Variants in PDE4B observed in about 807,000 individuals in gnomAD.
The protein encoded by PDE4B is 3',5'-cyclic-AMP phosphodiesterase 4B.
A neutral mutation model predicts 82.2 loss-of-function variants in PDE4B; 20 were observed. The observed-to-expected ratio is 0.24, with a 90% confidence interval of 0.17 to 0.35. The LOEUF (loss-of-function observed/expected upper bound fraction) is 0.35, where lower values mean the gene tolerates loss of function less well. PDE4B is among the 10% of genes least tolerant of loss of function. The pLI is 1.00. For synonymous variants in PDE4B, 320 were observed against 318.9 expected (o/e 1.00, Z -0.04); for missense variants, 655 against 907.2 (o/e 0.72, Z 3.57).
At chr1:66,200,815 T>A (rs1398284046) in intron 3 of PDE4B, among the ~76,000 whole-genome samples, 1 of 152,212 alleles carries the variant, frequency 6.6e-6, no homozygotes, top group Non-Finnish European at 1.5e-5. Flanking sequence ...ACTTCCTCTT[T>A]TCCTAACTAA....
intron 3 of PDE4B, among the ~76,000 whole-genome samples, chr1:65,948,686 A>G (rs1242296996): frequency 6.6e-6 from 1 of 151,956 alleles, no homozygotes; most frequent in Non-Finnish European, 1.5e-5. Flanking sequence ...ATCAAGTTGG[A>G]CTCAGTATTA....
intron 3 of PDE4B, among the ~76,000 whole-genome samples, chr1:66,075,043 T>C (rs1456843258): frequency 6.6e-6 from 1 of 152,040 alleles, no homozygotes; most frequent in African/African-American, 2.4e-5. Context: ...CAATTTTTAC[T>C]GAAGTGGCAG....
intron 6 of PDE4B, among the ~76,000 whole-genome samples, chr1:66,259,941 T>C (rs1654558346): frequency 1.3e-5 from 2 of 152,192 alleles, no homozygotes; most frequent in South Asian, 2.1e-4. Context: ...ACTCTCTCTA[T>C]ATCTCAGTTT....
At chr1:66,207,652 A>T (rs1030146205) in intron 3 of PDE4B, among the ~76,000 whole-genome samples, 4 of 152,184 alleles carry the variant, frequency 2.6e-5, no homozygotes, top group Admixed American at 2.6e-4. Flanking sequence ...ATGATACACA[A>T]AGGGGAAAAA....
At chr1:66,353,367 T>C (rs950641416) in intron 8 of PDE4B, among the ~76,000 whole-genome samples, 21 of 152,208 alleles carry the variant, frequency 1.4e-4, no homozygotes, top group East Asian at 1.9e-4. Context: ...CTGGCTTGCA[T>C]TGGCTTCACC....
At chr1:66,050,802 G>A (rs1045451229) in intron 3 of PDE4B, 2 of 152,104 alleles carry the variant, frequency 1.3e-5, no homozygotes, top group African/African-American at 4.8e-5. Flanking sequence ...CCGTGAAGGA[G>A]CATCATCGTT....
intron 15 of PDE4B, among the ~76,000 whole-genome samples, chr1:66,368,436 C>A (rs1220364020): frequency 6.6e-6 from 1 of 152,236 alleles, no homozygotes; most frequent in Non-Finnish European, 1.5e-5. Context: ...CCTCTTTCCA[C>A]AAGTGGAAAA....
intron 3 of PDE4B, among the ~76,000 whole-genome samples, chr1:66,128,080 ATG>A (rs1336814968): frequency 6.6e-6 from 1 of 152,182 alleles, no homozygotes; most frequent in Admixed American, 6.5e-5. Flanking sequence ...TAATAATACC[ATG>A]TGTTTGAAAA....
intron 1 of PDE4B, among the ~76,000 whole-genome samples, chr1:65,874,345 C>T (rs944721857): frequency 2.6e-5 from 4 of 152,138 alleles, no homozygotes; most frequent in African/African-American, 9.7e-5. Flanking sequence ...TCTAGATATA[C>T]AATCATGTCG....
chr1:65,913,094 A>C (rs906814127), intron 1 of PDE4B, among the ~76,000 whole-genome samples, 151 bp from the exon 2 acceptor site: 4 of 152,152 alleles, frequency 2.6e-5, no homozygotes, highest in Admixed American at 2.0e-4. Flanking sequence ...CTCTTTTCTC[A>C]GCATATCAAA....
chr1:65,906,840 G>A (rs574608268), intron 1 of PDE4B, among the ~76,000 whole-genome samples: 9 of 152,230 alleles, frequency 5.9e-5, no homozygotes, highest in African/African-American at 1.7e-4. Flanking sequence ...ACTCAAAGCA[G>A]CATTTAGCCT....
At chr1:65,835,476 A>T (rs1570992889) in intron 1 of PDE4B, among the ~76,000 whole-genome samples, 1 of 152,316 alleles carries the variant, frequency 6.6e-6, no homozygotes, top group South Asian at 2.1e-4. Context: ...GATATCGGCA[A>T]ACCTAAAGGA....
At position 66,200,848 on chromosome 1, in the gene PDE4B, A is replaced by G. The variant is rs12048548; in HGVS notation, c.282-46612A>G. Among the ~76,000 whole-genome samples the G allele has an allele frequency of 0.013, 1,937 of 151,996 alleles. 90 individuals are homozygous for G. In the East Asian group the frequency reaches 0.15, roughly 12 times the overall value. On this transcript the variant is annotated intron_variant, in intron 3 of 16. Coordinates refer to ENST00000341517, the MANE Select transcript of PDE4B (RefSeq NM_002600.4). ...TAAATACCCTTTATTTCCTTCTCCT[A>G]CCTAATTGCCCTGGCCAGAACTTCC...
chr1:66,010,819 A>G (rs1300732822), intron 3 of PDE4B, among the ~76,000 whole-genome samples: 2 of 144,262 alleles, frequency 1.4e-5, no homozygotes, highest in Non-Finnish European at 3.0e-5. Context: ...CTCTATTTCT[A>G]TGGATGGAAG....
At chr1:65,972,722 T>C (rs1445608962) in intron 3 of PDE4B, among the ~76,000 whole-genome samples, 1 of 152,226 alleles carries the variant, frequency 6.6e-6, no homozygotes, top group East Asian at 1.9e-4. Context: ...TTAGTGTTTC[T>C]GCATAACTAT....
At chr1:66,320,123 C>T (rs560453245) in intron 7 of PDE4B, among the ~76,000 whole-genome samples, 2 of 152,286 alleles carry the variant, frequency 1.3e-5, no homozygotes, top group African/African-American at 4.8e-5. Context: ...TTTCCAACCT[C>T]TCAAACTTCC....
At chr1:66,199,991 A>T (rs1418825569) in intron 3 of PDE4B, among the ~76,000 whole-genome samples, 1 of 152,140 alleles carries the variant, frequency 6.6e-6, no homozygotes, top group Non-Finnish European at 1.5e-5. Flanking sequence ...CTAACATTTA[A>T]GTCTCTAATC....
At chr1:66,122,693 C>T (rs1645735014) in intron 3 of PDE4B, among the ~76,000 whole-genome samples, 1 of 131,688 alleles carries the variant, frequency 7.6e-6, no homozygotes. Flanking sequence ...TTTTTTCTTT[C>T]TCTTCTTTTC....
Position 66,318,252 on chromosome 1 carries a change from C to T in PDE4B, c.635-14256C>T, listed in dbSNP as rs565824998. Among the ~76,000 whole-genome samples, 31 of 152,304 alleles carry T rather than the reference C, an allele frequency of 2.0e-4. No individual in the cohort carries two copies. In the South Asian group the frequency reaches 5.8e-3, roughly 28 times the overall value. ...GGCAGATTATGTAACCTCTCTGAGC[C>T]TCAGTTTACTCATCTATAAAACAGG... is the stretch of plus-strand genomic sequence containing the variant. On this transcript the variant is annotated intron_variant, in intron 7 of 16. Coordinates refer to ENST00000341517, the MANE Select transcript of PDE4B (RefSeq NM_002600.4).
Sources: allele counts gnomAD v4.1 joint callset (sites outside exome capture counted in the v4.1 genomes callset), GRCh38; gene constraint gnomAD v4.1.1; transcripts MANE v1.5; gene names NCBI Gene and HGNC (gene_info 2026-07-23, HGNC 2026-07-21).